The following CDH12 variants were observed in gnomAD, a reference collection of about 807,000 sequenced individuals.
The protein encoded by CDH12 is cadherin 12.
CDH12 carries 41 observed loss-of-function variants against 74.1 expected under a neutral mutation model. The observed-to-expected ratio is 0.55, with a 90% confidence interval of 0.43 to 0.72. CDH12 has a LOEUF of 0.72. Ranked by LOEUF, CDH12 falls within the 30% of genes least tolerant of loss-of-function variation. The pLI, the probability that CDH12 is intolerant of heterozygous loss-of-function variation, is 0.00. For synonymous variants in CDH12, 399 were observed against 355.0 expected, an observed-to-expected ratio of 1.12 and a Z score of -1.39; for missense variants, 945 against 977.2, an observed-to-expected ratio of 0.97 and a Z score of 0.44.
intron 1 of CDH12, among the ~76,000 whole-genome samples, chr5:22,508,468 G>A (rs377339071): frequency 5.9e-5 from 9 of 152,166 alleles, no homozygotes; most frequent in East Asian, 3.9e-4. Flanking sequence ...ATTTGCATCT[G>A]TAAAGAATTT....
intron 2 of CDH12, among the ~76,000 whole-genome samples, chr5:22,417,475 G>A (rs539475842): frequency 1.2e-4 from 18 of 152,074 alleles, no homozygotes; most frequent in South Asian, 6.2e-4. Context: ...TCACATTTCC[G>A]CCTTTCACTA....
At chr5:21,881,449 G>A (rs1413542785) in intron 6 of CDH12, among the ~76,000 whole-genome samples, 3 of 152,072 alleles carry the variant, frequency 2.0e-5, no homozygotes, top group Admixed American at 6.5e-5. Context: ...GGTGGAGCTG[G>A]GGCAAACTCA....
At chr5:21,832,098 G>GA in intron 8 of CDH12, among the ~76,000 whole-genome samples, 1 of 151,990 alleles carries the variant, frequency 6.6e-6, no homozygotes, top group Admixed American at 6.6e-5. Flanking sequence ...ATATCTTTCA[G>GA]AAAAATAATT....
At chr5:21,832,875 TG>T (rs1749126547) in intron 8 of CDH12, among the ~76,000 whole-genome samples, 2 of 56,906 alleles carry the variant, frequency 3.5e-5, no homozygotes, top group African/African-American at 3.0e-4. Context: ...ATATGATATA[TG>T]ATATAATATT....
In CDH12 at chr5:22,694,589, T is replaced by C. The variant is rs563052093; in HGVS notation, c.-523+158469A>G. ...TCTTATAAATTTTTTTACAAGAGTA[T>C]TTCTATTTCTGTATTTTTTTATTTA... On this transcript the variant is annotated intron_variant, in intron 1 of 14. Transcript: ENST00000382254. Among the ~76,000 whole-genome samples, 6 of 152,200 alleles carry C rather than the reference T, an allele frequency of 3.9e-5. No homozygotes were observed. The South Asian group carries it at 1.0e-3, about 26-fold the overall frequency.
chr5:22,170,586 T>C (rs1320920821), intron 4 of CDH12, among the ~76,000 whole-genome samples: 1 of 150,450 alleles, frequency 6.6e-6, no homozygotes, highest in Non-Finnish European at 1.5e-5. Context: ...AAGCTTCTTA[T>C]ATATAAGTTA....
chr5:22,196,244 A>G (rs1049833860), intron 4 of CDH12, among the ~76,000 whole-genome samples: 4 of 148,706 alleles, frequency 2.7e-5, no homozygotes, highest in Non-Finnish European at 4.4e-5. Flanking sequence ...TCCCGGGTTT[A>G]GGCGATTCTC....
At chr5:22,244,709 GAA>G (rs1205926621) in intron 3 of CDH12, among the ~76,000 whole-genome samples, 4 of 138,346 alleles carry the variant, frequency 2.9e-5, no homozygotes, top group South Asian at 2.3e-4. Context: ...AAAAGAAAGA[GAA>G]AGAGAGAGAG....
intron 4 of CDH12, among the ~76,000 whole-genome samples, chr5:22,105,217 G>A (rs1248651227): frequency 1.3e-5 from 2 of 151,622 alleles, no homozygotes; most frequent in East Asian, 2.0e-4. Flanking sequence ...TCAGCCTCCC[G>A]AGTAACTGGG....
chr5:22,523,778 T>C (rs1737150556), intron 1 of CDH12, among the ~76,000 whole-genome samples: 1 of 152,096 alleles, frequency 6.6e-6, no homozygotes. Context: ...AATTATTTTC[T>C]TTCCACCCTG....
intron 1 of CDH12, among the ~76,000 whole-genome samples, chr5:22,660,365 A>G (rs779962347): frequency 2.0e-5 from 3 of 152,236 alleles, no homozygotes; most frequent in Non-Finnish European, 4.4e-5. Context: ...AAGAATTTAT[A>G]TGCCTCACTA....
intron 1 of CDH12, among the ~76,000 whole-genome samples, chr5:22,801,790 TTA>T: frequency 6.6e-6 from 1 of 151,060 alleles, no homozygotes; most frequent in Non-Finnish European, 1.5e-5. Flanking sequence ...TGTCCTGTAT[TTA>T]TTTTTCTCTG....
At chr5:22,033,979 T>C (rs753728635) in intron 5 of CDH12, among the ~76,000 whole-genome samples, 1 of 152,234 alleles carries the variant, frequency 6.6e-6, no homozygotes, top group African/African-American at 2.4e-5. Flanking sequence ...GTTTTCTTCC[T>C]GTCTGGCACC....
At chr5:22,060,876 A>G (rs943736749) in intron 5 of CDH12, among the ~76,000 whole-genome samples, 14 of 152,178 alleles carry the variant, frequency 9.2e-5, no homozygotes, top group African/African-American at 3.4e-4. Context: ...CTCCTCTCCT[A>G]TCATGTAACC....
Position 22,661,225 on chromosome 5 carries a change from C to T in CDH12, c.-522-155861G>A, listed in dbSNP as rs547174624. Among the ~76,000 whole-genome samples, 6 of 152,290 alleles carry T rather than the reference C, an allele frequency of 3.9e-5. No individual in the cohort carries two copies. The East Asian group carries it at 1.2e-3, about 29-fold the overall frequency. On this transcript the variant is annotated intron_variant, in intron 1 of 14. Coordinates refer to ENST00000382254, the MANE Select transcript of CDH12 (RefSeq NM_004061.5). ...GAGTCTTCCACCACTTAATCTAACA[C>T]CTAACAAAGAATTAGCTGCAGCCAA...
At chr5:22,741,578 A>C (rs1745026663) in intron 1 of CDH12, among the ~76,000 whole-genome samples, 1 of 152,128 alleles carries the variant, frequency 6.6e-6, no homozygotes, top group African/African-American at 2.4e-5. Flanking sequence ...CATCTCATGC[A>C]AAATGTGAAA....
intron 1 of CDH12, among the ~76,000 whole-genome samples, chr5:22,535,309 C>T (rs1029981673): frequency 6.6e-6 from 1 of 152,012 alleles, no homozygotes; most frequent in Non-Finnish European, 1.5e-5. Context: ...CGCCCGCTAC[C>T]ACGCCCGGCT....
At position 22,126,968 on chromosome 5, in the gene CDH12, A is replaced by G. The variant is rs181143153; in HGVS notation, c.-186-48106T>C. 5.0e-3 allele frequency among the ~76,000 whole-genome samples: 757 copies of G among 152,348 alleles called. 4 individuals are homozygous for G. The highest frequency in any genetic ancestry group is 0.017 in the African/African-American group (720 of 41,576). On this transcript the variant is annotated intron_variant, in intron 4 of 14. Transcript: ENST00000382254. ...TCTTATGGGAAAAACAAAATTCACCAAAGAATGAGGAAGCGAACATGTGTT... is the reference window on the plus strand; with the variant it reads ...TCTTATGGGAAAAACAAAATTCACCGAAGAATGAGGAAGCGAACATGTGTT...
intron 6 of CDH12, among the ~76,000 whole-genome samples, chr5:21,966,127 T>G (rs1756569879): frequency 6.6e-6 from 1 of 151,584 alleles, no homozygotes; most frequent in Non-Finnish European, 1.5e-5. Context: ...TCATTTTACC[T>G]TGGGTCTTGC....
Sources: allele counts gnomAD v4.1 joint callset (sites outside exome capture counted in the v4.1 genomes callset), GRCh38; gene constraint gnomAD v4.1.1; transcripts MANE v1.5; gene names NCBI Gene and HGNC (gene_info 2026-07-23, HGNC 2026-07-21).